The following EVI5 variants were observed in gnomAD, a reference collection of about 807,000 sequenced individuals.
EVI5 encodes ecotropic viral integration site 5, also known as ecotropic viral integration site 5 protein homolog.
In EVI5, 73 loss-of-function variants were observed where a neutral mutation model predicts 112.0. That is an observed-to-expected ratio of 0.65 (90% CI 0.54 to 0.79). EVI5 has a LOEUF of 0.79. Among genes scored for constraint, EVI5 ranks in the 30% least tolerant of loss-of-function variants. The probability of loss-of-function intolerance (pLI) is 0.00; values close to 1 mark genes in which losing one functional copy is unlikely to be tolerated. For missense variants in EVI5, 900 were observed against 968.8 expected, an observed-to-expected ratio of 0.93 and a Z score of 0.94; for synonymous variants, 305 against 319.9, an observed-to-expected ratio of 0.95 and a Z score of 0.50.
chr1:92,651,776 G>A (rs903298044), intron 13 of EVI5, among the ~76,000 whole-genome samples: 9 of 144,142 alleles, frequency 6.2e-5, no homozygotes, highest in African/African-American at 1.6e-4. Flanking sequence ...GCGTGAACCC[G>A]GGAGGCGGAG....
intron 18 of EVI5, among the ~76,000 whole-genome samples, chr1:92,595,983 G>A (rs558598939): frequency 1.3e-5 from 2 of 152,258 alleles, no homozygotes; most frequent in Admixed American, 1.3e-4. Flanking sequence ...AAATTCAAAA[G>A]TGGGTTTTCA....
intron 1 of EVI5, among the ~76,000 whole-genome samples, chr1:92,765,520 T>G (rs535641599): frequency 1.1e-3 from 172 of 151,426 alleles, no homozygotes; most frequent in African/African-American, 4.0e-3. Context: ...ACACATATTT[T>G]TCTGATTAAA....
intron 2 of EVI5, among the ~76,000 whole-genome samples, chr1:92,714,626 G>A (rs1368485323): frequency 1.3e-5 from 2 of 152,178 alleles, no homozygotes. Flanking sequence ...GTCTTGCTCT[G>A]TCTCTCAGGC....
intron 18 of EVI5, among the ~76,000 whole-genome samples, chr1:92,591,827 C>G (rs1210456450): frequency 6.6e-6 from 1 of 152,220 alleles, no homozygotes; most frequent in African/African-American, 2.4e-5. Flanking sequence ...CACCACACCA[C>G]ACCTATTCCA....
At chr1:92,769,305 G>T (rs1160405047) in intron 1 of EVI5, among the ~76,000 whole-genome samples, 1 of 152,072 alleles carries the variant, frequency 6.6e-6, no homozygotes. Context: ...TATTCATCAA[G>T]ATTTCTTTTC....
chr1:92,617,486 G>A (rs1653468485), intron 16 of EVI5, among the ~76,000 whole-genome samples: 1 of 152,128 alleles, frequency 6.6e-6, no homozygotes, highest in Non-Finnish European at 1.5e-5. Context: ...ATTATTGAGT[G>A]GATAAGATGA....
In EVI5 at chr1:92,773,181, G is replaced by A. The variant is rs146605193; in HGVS notation, c.-82+11655C>T. ...AGATCGTGCCATTGCACTCCAGCCT[G>A]AGCAACAGGCTGTCTCAAAAAAAAA... On this transcript the variant is annotated intron_variant, in intron 1 of 19. Transcript: ENST00000684568. 8.5e-4 allele frequency among the ~76,000 whole-genome samples: 112 copies of A among 132,308 alleles called. 2 individuals carry two copies. The East Asian group carries it at 0.023, about 27-fold the overall frequency. 86.8% of individuals were successfully genotyped at this position (132,308 alleles called of 152,430 possible).
chr1:92,518,253 G>A (rs1660292915), intron 19 of EVI5, among the ~76,000 whole-genome samples: 1 of 152,022 alleles, frequency 6.6e-6, no homozygotes, highest in African/African-American at 2.4e-5. Context: ...CATACTACAT[G>A]AGTATCTTCA....
intron 1 of EVI5, among the ~76,000 whole-genome samples, chr1:92,746,463 C>T (rs989492030): frequency 1.3e-5 from 2 of 152,182 alleles, no homozygotes; most frequent in Non-Finnish European, 2.9e-5. Flanking sequence ...CAGTGGCTCA[C>T]GCCTGAAATC....
chr1:92,739,471 AG>A (rs1678010637), intron 1 of EVI5, among the ~76,000 whole-genome samples: 1 of 152,154 alleles, frequency 6.6e-6, no homozygotes, highest in South Asian at 2.1e-4. Flanking sequence ...TAATGGGTAC[AG>A]GATTTCTTTA....
chr1:92,662,208 C>T (rs1291984230), intron 13 of EVI5, among the ~76,000 whole-genome samples: 1 of 152,110 alleles, frequency 6.6e-6, no homozygotes, highest in African/African-American at 2.4e-5. Flanking sequence ...ACACCTTAAC[C>T]CATAATTCAA....
At chr1:92,586,298 C>T (rs1307025411) in intron 18 of EVI5, among the ~76,000 whole-genome samples, 1 of 152,150 alleles carries the variant, frequency 6.6e-6, no homozygotes, top group Non-Finnish European at 1.5e-5. Context: ...GAGATTTATA[C>T]TTCCCCTCCT....
chr1:92,694,474 A>C, intron 7 of EVI5, 86 bp from the exon 8 acceptor site: 1 of 758,654 alleles, frequency 1.3e-6, no homozygotes, highest in Non-Finnish European at 2.2e-6. Context: ...TAAGGTAAAC[A>C]TTTAGGGATC....
chr1:92,605,395 T>C lies in EVI5; in HGVS notation c.1982A>G (p.Glu661Gly), dbSNP rs2101579657. ...KQAEIECKNK[E>G]EVMAVRLREA... ...CCGAAGCCTCACAGCCATCACTTCTTCCTTATTCTAGTGTGGTAAACCAAA... is the reference window on the plus strand; with the variant it reads ...CCGAAGCCTCACAGCCATCACTTCTCCCTTATTCTAGTGTGGTAAACCAAA... Residue 661 changes from glutamate (E) to glycine (G), a missense_variant, in exon 18 of 20, where the codon GAA (glutamate) becomes GGA (glycine). Glu to Gly is a moderately conservative substitution (Grantham distance 98). Transcript: ENST00000684568. 2 of 1,610,188 alleles carry C rather than the reference T, an allele frequency of 1.2e-6. No homozygotes were observed. Among genetic ancestry groups the C allele is most frequent in the South Asian group, 1.1e-5 (1 of 91,006 alleles).
intron 18 of EVI5, among the ~76,000 whole-genome samples, chr1:92,576,999 G>A (rs994460832): frequency 6.6e-6 from 1 of 152,118 alleles, no homozygotes; most frequent in African/African-American, 2.4e-5. Flanking sequence ...AATAAGTGCT[G>A]AGTGCCACAA....
intron 2 of EVI5, among the ~76,000 whole-genome samples, chr1:92,710,682 T>C (rs1490462840): frequency 6.6e-6 from 1 of 151,444 alleles, no homozygotes; most frequent in Non-Finnish European, 1.5e-5. Context: ...TACAGGTTTC[T>C]CTTAGAGTAG....
At chr1:92,550,097 C>A (rs1666534667) in intron 19 of EVI5, among the ~76,000 whole-genome samples, 1 of 152,046 alleles carries the variant, frequency 6.6e-6, no homozygotes, top group Non-Finnish European at 1.5e-5. Flanking sequence ...GGAACCAACC[C>A]AAATGTCCAT....
intron 11 of EVI5, among the ~76,000 whole-genome samples, chr1:92,665,405 A>G (rs924697749): frequency 1.3e-5 from 2 of 152,216 alleles, no homozygotes; most frequent in African/African-American, 4.8e-5. Context: ...CCCACTCTAT[A>G]TAAAACAGAG....
At chr1:92,568,188 C>T (rs538215425) in intron 18 of EVI5, among the ~76,000 whole-genome samples, 1 of 151,938 alleles carries the variant, frequency 6.6e-6, no homozygotes, top group Non-Finnish European at 1.5e-5. Context: ...GCCTGGGCAA[C>T]ATGGCAAGAC....
Sources: allele counts gnomAD v4.1 joint callset (sites outside exome capture counted in the v4.1 genomes callset), GRCh38; gene constraint gnomAD v4.1.1; transcripts MANE v1.5; gene names NCBI Gene and HGNC (gene_info 2026-07-23, HGNC 2026-07-21).